FLT3: variants seen among roughly 807,000 people sequenced by gnomAD.
The protein encoded by FLT3 is fms related receptor tyrosine kinase 3.
Under a neutral mutation model 126.6 loss-of-function variants are expected in FLT3, and 46 were observed. The ratio of observed to expected loss-of-function variants is 0.36; its 90% CI spans 0.29 to 0.46. The LOEUF is 0.46. Among genes scored for constraint, FLT3 ranks in the 20% least tolerant of loss-of-function variants. FLT3 has a pLI of 1.00. For synonymous variants in FLT3, 404 were observed against 434.4 expected (o/e 0.93, Z 0.87); for missense variants, 1,069 against 1,190.3 (o/e 0.90, Z 1.50).
At chr13:28,031,728 G>A (rs982613207) in intron 15 of FLT3, among the ~76,000 whole-genome samples, 4 of 152,204 alleles carry the variant, frequency 2.6e-5, no homozygotes, top group East Asian at 1.9e-4. Context: ...AGGCCCCACA[G>A]TGGGTGGGAG....
At chr13:28,041,349 G>C (rs1301051768) in intron 9 of FLT3, among the ~76,000 whole-genome samples, 1 of 152,156 alleles carries the variant, frequency 6.6e-6, no homozygotes, top group Non-Finnish European at 1.5e-5. Context: ...GCTCACCAGA[G>C]AGCATGTCAG....
At chr13:28,038,278 G>A (rs778203588) in intron 9 of FLT3, among the ~76,000 whole-genome samples, 7 of 152,092 alleles carry the variant, frequency 4.6e-5, no homozygotes, top group Non-Finnish European at 8.8e-5. Context: ...GGATACTGCA[G>A]TGAGATGTTG....
intron 12 of FLT3, 137 bp downstream of exon 12, chr13:28,035,358 G>T (rs1189095611): frequency 3.9e-6 from 3 of 763,020 alleles, no homozygotes; most frequent in Non-Finnish European, 6.3e-6. Context: ...GGGGATTCTT[G>T]CCTGACTCAA....
At chr13:28,047,556 C>A (rs1227230503) in intron 9 of FLT3, among the ~76,000 whole-genome samples, 1 of 151,630 alleles carries the variant, frequency 6.6e-6, no homozygotes, top group Non-Finnish European at 1.5e-5. Context: ...ACCAAAAATA[C>A]AAAAAATTAG....
intron 1 of FLT3, among the ~76,000 whole-genome samples, chr13:28,081,127 A>C (rs911047840): frequency 6.6e-6 from 1 of 152,152 alleles, no homozygotes; most frequent in African/African-American, 2.4e-5. Flanking sequence ...GCATTTCCAT[A>C]TGAATTTTAG....
At chr13:28,063,925 C>T (rs187288809) in intron 2 of FLT3, among the ~76,000 whole-genome samples, 1 of 152,124 alleles carries the variant, frequency 6.6e-6, no homozygotes, top group African/African-American at 2.4e-5. Context: ...AGTTTTTCAC[C>T]CAAGTCCAGT....
intron 23 of FLT3, among the ~76,000 whole-genome samples, chr13:28,013,274 C>T (rs1871553143): frequency 6.6e-6 from 1 of 152,214 alleles, no homozygotes; most frequent in Non-Finnish European, 1.5e-5. Flanking sequence ...AGACAATCCA[C>T]TTAAAAATCA....
chr13:28,040,900 C>T (rs963522925), intron 9 of FLT3, among the ~76,000 whole-genome samples: 3 of 145,448 alleles, frequency 2.1e-5, no homozygotes, highest in Non-Finnish European at 4.5e-5. Context: ...CTTGGGAGGC[C>T]GAGGTAGGGG....
intron 9 of FLT3, among the ~76,000 whole-genome samples, chr13:28,038,496 A>G (rs1448465583): frequency 6.8e-6 from 1 of 147,778 alleles, no homozygotes; most frequent in Non-Finnish European, 1.5e-5. Flanking sequence ...TCTGTCTCCC[A>G]GGCTGGAGTG....
chr13:28,078,724 T>C lies in FLT3; in HGVS notation c.44-8112A>G, dbSNP rs868125529. On this transcript the variant is annotated intron_variant, in intron 1 of 23. Coordinates refer to ENST00000241453, the MANE Select transcript of FLT3 (RefSeq NM_004119.3). ...AATGGGTTTTTCTTTTCTTTTTTTT[T>C]TTTTTTTGAGATGCAGTCTCACTCT... is the stretch of plus-strand genomic sequence containing the variant. 7.7e-3 allele frequency among the ~76,000 whole-genome samples: 1,163 copies of C among 151,870 alleles called. 24 individuals carry two copies. The highest frequency in any genetic ancestry group is 0.026 in the African/African-American group (1,071 of 41,440).
intron 2 of FLT3, 64 bp downstream of exon 2, chr13:28,070,427 A>G: frequency 7.0e-7 from 1 of 1,435,550 alleles, no homozygotes; most frequent in African/African-American, 1.4e-5. Context: ...GTAGGCTTCA[A>G]TAACTTACAA....
chr13:28,053,858 C>CGT (rs200281830), intron 4 of FLT3, among the ~76,000 whole-genome samples: 2 of 150,914 alleles, frequency 1.3e-5, no homozygotes, highest in Non-Finnish European at 2.9e-5. Flanking sequence ...TGTTTCCTTC[C>CGT]GTGTGTGTGT....
chr13:28,068,633 T>C (rs1218408233), intron 2 of FLT3, among the ~76,000 whole-genome samples: 1 of 152,184 alleles, frequency 6.6e-6, no homozygotes, highest in Non-Finnish European at 1.5e-5. Flanking sequence ...TGGCACAATC[T>C]TGGCTCACTG....
intron 9 of FLT3, among the ~76,000 whole-genome samples, chr13:28,044,248 A>G (rs1874659433): frequency 6.6e-6 from 1 of 152,044 alleles, no homozygotes; most frequent in Admixed American, 6.5e-5. Context: ...CAGGAGTTCG[A>G]GACCAGCCTG....
rs750664430 is a variant in FLT3 at position 28,033,922 on chromosome 13, C to T, written c.1907G>A (p.Gly636Glu). ...NATAYGISKTGVSIQVAVKML... is the reference protein window; with the variant it reads ...NATAYGISKTEVSIQVAVKML... ...TTTGACGGCAACCTGGATTGAGACT[C>T]CTGTTTTGCTAATTCCATAAGCTGT... The change falls in exon 15 of 24, where the codon GGA becomes GAA. Residue 636 changes from glycine to glutamate, a missense_variant. By Grantham distance (98) the Gly-to-Glu change is moderately conservative. Coordinates refer to ENST00000241453, the MANE Select transcript of FLT3 (RefSeq NM_004119.3). The T allele has an allele frequency of 1.2e-6, 2 of 1,614,158 alleles. No homozygotes were observed. The highest frequency in any genetic ancestry group is 1.1e-5 in the South Asian group (1 of 91,078).
At chr13:28,009,251 G>T (rs1183191498) in intron 23 of FLT3, 1 of 152,196 alleles carries the variant, frequency 6.6e-6, no homozygotes, top group Non-Finnish European at 1.5e-5. Context: ...TGAAACAGAA[G>T]TTATGTGTTA....
Position 28,012,936 on chromosome 13 carries a change from C to CA in FLT3, c.2859+1515dup, listed in dbSNP as rs113567190. 5.5e-3 allele frequency among the ~76,000 whole-genome samples: 768 copies of CA among 140,520 alleles called. 3 individuals carry two copies. Among genetic ancestry groups the CA allele is most frequent in the African/African-American group, 0.017 (656 of 38,158 alleles). 92.2% of individuals were successfully genotyped at this position (140,520 alleles called of 152,430 possible). On this transcript the variant is annotated intron_variant, in intron 23 of 23. Coordinates refer to ENST00000241453, the MANE Select transcript of FLT3 (RefSeq NM_004119.3). ...TGGATGACAGAGCAAGACCCTGTCT[C>CA]AAAAAAAAAAAAAGTGTATAGCTAG...
intron 4 of FLT3, among the ~76,000 whole-genome samples, chr13:28,056,526 G>A (rs778883313): frequency 3.9e-5 from 6 of 152,194 alleles, no homozygotes; most frequent in East Asian, 1.9e-4. Context: ...CATGGAAGGC[G>A]AAGCAGCAAG....
At chr13:28,026,381 T>G (rs1872805525) in intron 17 of FLT3, among the ~76,000 whole-genome samples, 1 of 134,962 alleles carries the variant, frequency 7.4e-6, no homozygotes, top group Non-Finnish European at 1.6e-5. Context: ...AAAAGAATGC[T>G]CCAAGGCTCA....
Sources: allele counts gnomAD v4.1 joint callset (sites outside exome capture counted in the v4.1 genomes callset), GRCh38; gene constraint gnomAD v4.1.1; transcripts MANE v1.5; gene names NCBI Gene and HGNC (gene_info 2026-07-23, HGNC 2026-07-21).